SPSB1: variants seen among roughly 807,000 people sequenced by gnomAD.
SPSB1 encodes SPRY domain-containing SOCS box protein 1.
In SPSB1, 8 loss-of-function variants were observed where a neutral mutation model predicts 21.2. That is an observed-to-expected ratio of 0.38 (90% confidence interval 0.22 to 0.68). SPSB1 has a LOEUF of 0.68. SPSB1 is among the 30% of genes least tolerant of loss of function. SPSB1 has a pLI of 0.53. For missense variants in SPSB1, 242 were observed against 377.8 expected (o/e 0.64, Z 2.98); for synonymous variants, 169 against 161.7 (o/e 1.05, Z -0.34).
intron 1 of SPSB1, among the ~76,000 whole-genome samples, chr1:9,352,961 G>A (rs1247706261): frequency 6.6e-6 from 1 of 151,876 alleles, no homozygotes; most frequent in Non-Finnish European, 1.5e-5. Context: ...AGCGGCAGGG[G>A]GGCTGTGGAG....
At position 9,369,466 on chromosome 1, in the gene SPSB1, C is replaced by T. The variant is rs559780616; in HGVS notation, c.*1891C>T. On this transcript the variant is annotated 3_prime_UTR_variant, in exon 3 of 3. Coordinates refer to ENST00000328089, the MANE Select transcript of SPSB1 (RefSeq NM_025106.4). ...GTGGCTTGTACAGTTTTGAAACTCC[C>T]GTTCTATTTTATGATGGTTGATAAT... 228 of 152,240 alleles carry T rather than the reference C, an allele frequency of 1.5e-3. No homozygotes were observed. Among genetic ancestry groups the T allele is most frequent in the African/African-American group, 5.3e-3 (222 of 41,524 alleles). 9.4% of individuals were successfully genotyped at this position (152,240 alleles called of 1,614,324 possible).
At chr1:9,361,156 C>CTT (rs57871457) in intron 2 of SPSB1, among the ~76,000 whole-genome samples, 16 of 102,578 alleles carry the variant, frequency 1.6e-4, no homozygotes, top group African/African-American at 5.0e-4. Context: ...CTGTCATTTT[C>CTT]TTTTTTTTTT....
Position 9,348,204 on chromosome 1 carries a change from C to CA in SPSB1, c.-149-7536dup, listed in dbSNP as rs1298015843. 6.6e-6 allele frequency among the ~76,000 whole-genome samples: 1 copy of CA among 152,018 alleles called. No individual in the cohort carries two copies. Among genetic ancestry groups the CA allele is most frequent in the Non-Finnish European group, 1.5e-5 (1 of 68,008 alleles). On this transcript the variant is annotated intron_variant, in intron 1 of 2. Coordinates refer to ENST00000328089, the MANE Select transcript of SPSB1 (RefSeq NM_025106.4). This position sits in a 1 kb window ranked among gnomAD's most constrained non-coding sequence, Gnocchi z 4.8. ...AGGTGATCTGCCCACCTCGGCCTCT[C>CA]AAAGTGCTGGGATTACAGGCGTGAG... is the stretch of plus-strand genomic sequence containing the variant.
intron 1 of SPSB1, among the ~76,000 whole-genome samples, chr1:9,319,045 G>A (rs1433138229): frequency 6.6e-6 from 1 of 152,102 alleles, no homozygotes; most frequent in African/African-American, 2.4e-5. Context: ...GGGCATGGTG[G>A]CGCACCCCTG....
intron 1 of SPSB1, among the ~76,000 whole-genome samples, chr1:9,353,966 G>A (rs1347034093): frequency 1.3e-5 from 2 of 151,734 alleles, no homozygotes; most frequent in East Asian, 3.9e-4. Context: ...AGGGGAGGGC[G>A]AGAAGCATGA....
In SPSB1 at chr1:9,355,811, C is replaced by T. The variant is rs571589937; in HGVS notation, c.-81C>T. 171 of 1,503,706 alleles carry T rather than the reference C, an allele frequency of 1.1e-4. No homozygotes were observed. The East Asian group carries it at 2.2e-3, about 19-fold the overall frequency. 93.1% of individuals were successfully genotyped at this position (1,503,706 alleles called of 1,614,324 possible). A position where few individuals can be genotyped will look rare whatever the true frequency, so the allele number is the denominator to read the frequency against. On this transcript the variant is annotated 5_prime_UTR_variant, in exon 2 of 3. Coordinates refer to ENST00000328089, the MANE Select transcript of SPSB1 (RefSeq NM_025106.4). ...CCTCATTAGGAATTCTGTCTGGCCC[C>T]GATCAGAATACTGGAGACGAGACCA...
Position 9,324,944 on chromosome 1 carries a change from G to C in SPSB1, c.-149-30799G>C, listed in dbSNP as rs1639788707. The stretch of plus-strand genomic sequence containing the variant: ...GTGGGGGAGCAGGGACACCCGGCCT[G>C]GCGGGCTGGTGGATCGGAGGCGCCT... On this transcript the variant is annotated intron_variant, in intron 1 of 2. Coordinates refer to ENST00000328089, the MANE Select transcript of SPSB1 (RefSeq NM_025106.4). This position sits in a 1 kb window ranked among gnomAD's most constrained non-coding sequence, Gnocchi z 4.3. Among the ~76,000 whole-genome samples the C allele has an allele frequency of 6.6e-6, 1 of 152,234 alleles. No homozygotes were observed. Among genetic ancestry groups the C allele is most frequent in the Non-Finnish European group, 1.5e-5 (1 of 68,036 alleles).
In SPSB1 at chr1:9,315,591, C is replaced by T. The variant is rs572925230; in HGVS notation, c.-150+22520C>T. 3.3e-5 allele frequency among the ~76,000 whole-genome samples: 5 copies of T among 152,366 alleles called. No individual in the cohort carries two copies. In the East Asian group the frequency reaches 9.6e-4, roughly 29 times the overall value. On this transcript the variant is annotated intron_variant, in intron 1 of 2. Coordinates refer to ENST00000328089, the MANE Select transcript of SPSB1 (RefSeq NM_025106.4). ...ATCGAGTGATGCACACTCTGAGGCC[C>T]ACAGTGACATGTGCATGGCACCCTT...
intron 1 of SPSB1, among the ~76,000 whole-genome samples, chr1:9,295,237 T>TGTGTGC (rs762520370): frequency 6.9e-6 from 1 of 144,202 alleles, no homozygotes; most frequent in Non-Finnish European, 1.6e-5. Context: ...TGTGTGTGTG[T>TGTGTGC]GTGTGCGCGC....
At chr1:9,302,927 T>C (rs917850679) in intron 1 of SPSB1, among the ~76,000 whole-genome samples, 13 of 152,192 alleles carry the variant, frequency 8.5e-5, no homozygotes, top group Non-Finnish European at 1.6e-4. Flanking sequence ...TTCCTGTTCC[T>C]GTGACTTTAT....
chr1:9,296,376 G>A (rs1206367845), intron 1 of SPSB1, among the ~76,000 whole-genome samples: 2 of 152,222 alleles, frequency 1.3e-5, no homozygotes, highest in African/African-American at 4.8e-5. Flanking sequence ...CCCTTCACCA[G>A]TAAGTTTGTC....
At chr1:9,355,158 G>A (rs1204857762) in intron 1 of SPSB1, among the ~76,000 whole-genome samples, 3 of 152,214 alleles carry the variant, frequency 2.0e-5, no homozygotes, top group Admixed American at 1.3e-4. Flanking sequence ...CGTGCCAAGC[G>A]CACACAGACC....
rs1640358136 is a variant in SPSB1 at position 9,356,134 on chromosome 1, C to T, written c.243C>T (p.Ala81=). The change falls in exon 2 of 3, where the codon GCC becomes GCT. Residue 81 remains alanine, a synonymous_variant. Coordinates refer to ENST00000328089, the MANE Select transcript of SPSB1 (RefSeq NM_025106.4). This position sits in a 1 kb window ranked among gnomAD's most constrained non-coding sequence, Gnocchi z 7.4. ...TCATCTTTCACCGGCATCCGGTGGC[C>T]CAGAGCACGGACGCTATCAGGGGCA... The part of the protein sequence containing the change: ...DKLIFHRHPV[A]QSTDAIRGKV... 1 of 1,597,766 alleles carries T rather than the reference C, an allele frequency of 6.3e-7. No homozygotes were observed. The highest frequency in any genetic ancestry group is 1.3e-5 in the African/African-American group (1 of 74,720).
At chr1:9,357,838 G>A (rs752202998) in intron 2 of SPSB1, among the ~76,000 whole-genome samples, 11 of 151,972 alleles carry the variant, frequency 7.2e-5, no homozygotes, top group Admixed American at 1.3e-4. Context: ...GGCTCACCCC[G>A]TGTACGGCCC....
At chr1:9,303,399 C>T in intron 1 of SPSB1, among the ~76,000 whole-genome samples, 1 of 152,158 alleles carries the variant, frequency 6.6e-6, no homozygotes, top group East Asian at 1.9e-4. Context: ...TAATAAATAC[C>T]AGCTCCAACC....
At chr1:9,338,948 G>T (rs1036818127) in intron 1 of SPSB1, among the ~76,000 whole-genome samples, 3 of 152,212 alleles carry the variant, frequency 2.0e-5, no homozygotes, top group Admixed American at 2.0e-4. Context: ...AAACCCGGCC[G>T]ATTACCTTGT....
At chr1:9,320,095 G>A (rs11585000) in intron 1 of SPSB1, among the ~76,000 whole-genome samples, 28,577 of 152,104 alleles carry the variant, frequency 0.19, 2,843 homozygotes, top group Middle Eastern at 0.23. Flanking sequence ...AGGCCGCCAG[G>A]GACCCCAGGT....
intron 1 of SPSB1, among the ~76,000 whole-genome samples, chr1:9,312,001 G>A (rs987951165): frequency 4.6e-5 from 7 of 152,110 alleles, no homozygotes; most frequent in Middle Eastern, 3.4e-3. Context: ...TGGTGTAACC[G>A]TTGGCCCTGC....
At chr1:9,310,541 A>G (rs1026632838) in intron 1 of SPSB1, among the ~76,000 whole-genome samples, 1 of 152,026 alleles carries the variant, frequency 6.6e-6, no homozygotes, top group African/African-American at 2.4e-5. Flanking sequence ...AAAAATACAG[A>G]AAAATTAGCT....
Sources: gnomAD v4.1 joint callset for allele counts (sites outside exome capture counted in the v4.1 genomes callset) on GRCh38, gnomAD v4.1.1 for gene constraint, Gnocchi (gnomAD v3.1) non-coding constraint, MANE v1.5 for transcripts, NCBI Gene and HGNC (gene_info 2026-07-23, HGNC 2026-07-21) for gene names.